Variants in SLC22A15 observed in about 807,000 individuals in gnomAD.
SLC22A15 encodes solute carrier family 22 member 15.
In SLC22A15, 45 loss-of-function variants were observed where a neutral mutation model predicts 62.7. The observed-to-expected ratio is 0.72, with a 90% CI of 0.56 to 0.92. The LOEUF (loss-of-function observed/expected upper bound fraction) is 0.92, where lower values mean the gene tolerates loss of function less well. Ranked by LOEUF, SLC22A15 falls within the 40% of genes least tolerant of loss-of-function variation. The pLI, the probability that SLC22A15 is intolerant of heterozygous loss-of-function variation, is 0.00. For missense variants in SLC22A15, 622 were observed against 665.6 expected, an observed-to-expected ratio of 0.93 and a Z score of 0.72; for synonymous variants, 264 against 267.0, an observed-to-expected ratio of 0.99 and a Z score of 0.11.
intron 8 of SLC22A15, among the ~76,000 whole-genome samples, chr1:116,050,027 A>G (rs927587887): frequency 6.6e-6 from 1 of 152,046 alleles, no homozygotes; most frequent in African/African-American, 2.4e-5. Flanking sequence ...GAAAAATACA[A>G]CCCTCCTAGT....
chr1:115,997,317 A>AT lies in SLC22A15; in HGVS notation c.300+5081dup, dbSNP rs1317549026. Reference sequence around the variant, plus strand: ...GTGGTTCCATATAAATTTTAGAATGATTTTTTTCTGTTTCTGTGAAGGTGT... The same window carrying AT: ...GTGGTTCCATATAAATTTTAGAATGATTTTTTTTCTGTTTCTGTGAAGGTGT... On this transcript the variant is annotated intron_variant, in intron 2 of 11. Coordinates refer to ENST00000369503, the MANE Select transcript of SLC22A15 (RefSeq NM_018420.3). 2.0e-5 allele frequency among the ~76,000 whole-genome samples: 3 copies of AT among 151,716 alleles called. No individual in the cohort carries two copies. In the East Asian group the frequency reaches 5.8e-4, roughly 29 times the overall value.
At chr1:116,002,018 A>T (rs1655762402) in intron 2 of SLC22A15, among the ~76,000 whole-genome samples, 1 of 152,172 alleles carries the variant, frequency 6.6e-6, no homozygotes, top group African/African-American at 2.4e-5. Context: ...GAGTGTTATG[A>T]TCTAAGTTTT....
intron 4 of SLC22A15, among the ~76,000 whole-genome samples, chr1:116,022,982 A>C (rs1391740499): frequency 6.6e-6 from 1 of 151,972 alleles, no homozygotes; most frequent in African/African-American, 2.4e-5. Context: ...CTTTCTTTTC[A>C]AGCTGATTTC....
At chr1:116,053,175 A>G (rs1332423980) in intron 8 of SLC22A15, among the ~76,000 whole-genome samples, 1 of 152,210 alleles carries the variant, frequency 6.6e-6, no homozygotes, top group African/African-American at 2.4e-5. Context: ...AGACGAATTT[A>G]TAACTAGAAT....
rs770946729 is a variant in SLC22A15 at position 116,064,444 on chromosome 1, G to A, written c.1301G>A (p.Gly434Glu). Residue 434 changes from glycine to glutamate, a missense_variant, in exon 10 of 12, where the codon GGG (glycine) becomes GAG (glutamate). Coordinates refer to ENST00000369503, the MANE Select transcript of SLC22A15 (RefSeq NM_018420.3). The part of the protein sequence containing the change: ...ELYPTVIRNV[G>E]LGTCSMFSRV... ...TTACTTATGCTTTTCAGGAATGTTG[G>A]GCTTGGAACTTGTTCCATGTTCTCC... The A allele has an allele frequency of 6.2e-7, 1 of 1,612,600 alleles. No individual in the cohort carries two copies. Among genetic ancestry groups the A allele is most frequent in the Admixed American group, 1.7e-5 (1 of 59,938 alleles).
At chr1:116,065,174 A>G (rs1658467311) in intron 10 of SLC22A15, among the ~76,000 whole-genome samples, 1 of 152,136 alleles carries the variant, frequency 6.6e-6, no homozygotes, top group Non-Finnish European at 1.5e-5. Flanking sequence ...TCCACAGCCA[A>G]GACTTTTTGA....
chr1:116,061,700 A>G (rs1658383442), intron 8 of SLC22A15, among the ~76,000 whole-genome samples: 1 of 151,906 alleles, frequency 6.6e-6, no homozygotes, highest in Non-Finnish European at 1.5e-5. Flanking sequence ...AAAAAAAATC[A>G]TTAAATTGTA....
At chr1:116,033,782 A>G (rs2101459064) in intron 6 of SLC22A15, among the ~76,000 whole-genome samples, 1 of 152,288 alleles carries the variant, frequency 6.6e-6, no homozygotes, top group East Asian at 1.9e-4. Context: ...GTGAGAACAG[A>G]CAATGCAGTG....
chr1:116,023,612 AT>A (rs1656949109), intron 4 of SLC22A15, among the ~76,000 whole-genome samples: 1 of 152,162 alleles, frequency 6.6e-6, no homozygotes, highest in Admixed American at 6.6e-5. Flanking sequence ...GACAGGGATG[AT>A]TTGGGGGAGG....
chr1:116,050,543 CT>C (rs1423958906), intron 8 of SLC22A15, among the ~76,000 whole-genome samples: 1 of 152,018 alleles, frequency 6.6e-6, no homozygotes, highest in Non-Finnish European at 1.5e-5. Flanking sequence ...CCCAGCATCC[CT>C]TTATGATTAT....
intron 2 of SLC22A15, among the ~76,000 whole-genome samples, chr1:115,997,524 G>A (rs1401905705): frequency 6.6e-6 from 1 of 151,910 alleles, no homozygotes; most frequent in East Asian, 1.9e-4. Flanking sequence ...CACTTCTTTA[G>A]CGAGGTTTAT....
chr1:115,995,728 T>C (rs1334407279), intron 2 of SLC22A15, among the ~76,000 whole-genome samples: 4 of 152,250 alleles, frequency 2.6e-5, no homozygotes, highest in African/African-American at 9.6e-5. Context: ...TTTCAATGAT[T>C]TGTAATTTAT....
intron 2 of SLC22A15, among the ~76,000 whole-genome samples, chr1:116,002,978 G>C (rs1490972214): frequency 6.6e-6 from 1 of 151,946 alleles, no homozygotes; most frequent in Non-Finnish European, 1.5e-5. Flanking sequence ...ATAAAACTGG[G>C]TCTTGTCCAA....
chr1:116,043,147 G>A (rs939057700), intron 8 of SLC22A15, among the ~76,000 whole-genome samples: 1 of 152,164 alleles, frequency 6.6e-6, no homozygotes, highest in Non-Finnish European at 1.5e-5. Flanking sequence ...GTATCAGCCC[G>A]GCACAGTGGT....
At chr1:116,049,591 A>T (rs761552489) in intron 8 of SLC22A15, among the ~76,000 whole-genome samples, 8 of 152,204 alleles carry the variant, frequency 5.3e-5, no homozygotes, top group Non-Finnish European at 1.0e-4. Context: ...TCTGTGATAC[A>T]GCAAAGGCAG....
intron 8 of SLC22A15, among the ~76,000 whole-genome samples, chr1:116,057,388 A>G (rs940466637): frequency 2.0e-5 from 3 of 151,988 alleles, no homozygotes; most frequent in African/African-American, 7.3e-5. Context: ...AATGGTGATC[A>G]TTAAAAAGTC....
chr1:116,052,757 A>G (rs1371898073), intron 8 of SLC22A15, among the ~76,000 whole-genome samples: 1 of 152,150 alleles, frequency 6.6e-6, no homozygotes, highest in African/African-American at 2.4e-5. Flanking sequence ...ACGAAAATCT[A>G]CTGTTCTGCA....
At chr1:116,037,219 G>A (rs1436499947) in intron 7 of SLC22A15, 84 bp from the exon 8 acceptor site, 13 of 1,229,116 alleles carry the variant, frequency 1.1e-5, no homozygotes, top group African/African-American at 1.5e-5. Flanking sequence ...TGAAACTGAA[G>A]ATTTTTAAAT....
At position 116,049,864 on chromosome 1, in the gene SLC22A15, A is replaced by T. The variant is rs1819742; in HGVS notation, c.1171+12476A>T. On this transcript the variant is annotated intron_variant, in intron 8 of 11. Coordinates refer to ENST00000369503, the MANE Select transcript of SLC22A15 (RefSeq NM_018420.3). ...GATAGATCATTAGCAAGATTAACCA[A>T]GAAAAGAGAGAAAATCCAAATAACC... Among the ~76,000 whole-genome samples, 7 of 152,128 alleles carry T rather than the reference A, an allele frequency of 4.6e-5. No individual in the cohort carries two copies. The East Asian group carries it at 7.7e-4, about 17-fold the overall frequency.
Sources: allele counts gnomAD v4.1 joint callset (sites outside exome capture counted in the v4.1 genomes callset), GRCh38; gene constraint gnomAD v4.1.1; transcripts MANE v1.5; gene names NCBI Gene and HGNC (gene_info 2026-07-23, HGNC 2026-07-21).